The following NDRG4 variants were observed in gnomAD, a reference collection of about 807,000 sequenced individuals.
NDRG4 encodes protein NDRG4.
In NDRG4, 38 loss-of-function variants were observed where a neutral mutation model predicts 55.8. That is an observed-to-expected ratio of 0.68 (90% CI 0.53 to 0.89). NDRG4 has a LOEUF of 0.89. Ranked by LOEUF, NDRG4 falls within the 40% of genes least tolerant of loss-of-function variation. NDRG4 has a pLI of 0.00. For missense variants in NDRG4, 455 were observed against 468.6 expected (o/e 0.97, Z 0.27); for synonymous variants, 190 against 182.7 (o/e 1.04, Z -0.32).
At chr16:58,505,713 CTTTTTTT>C (rs1028370131) in intron 5 of NDRG4, among the ~76,000 whole-genome samples, 7 of 58,634 alleles carry the variant, frequency 1.2e-4, no homozygotes, top group African/African-American at 3.8e-4. Flanking sequence ...GCTTCATTTT[CTTTTTTT>C]TTTTTTTTTT....
At chr16:58,486,965 A>G (rs1185088242) in intron 1 of NDRG4, among the ~76,000 whole-genome samples, 1 of 55,386 alleles carries the variant, frequency 1.8e-5, no homozygotes, top group African/African-American at 7.3e-5. Context: ...TCCCTGGCCC[A>G]TCTTCACAGA....
intron 5 of NDRG4, chr16:58,506,049 A>G (rs1218288592): frequency 1.1e-5 from 5 of 437,958 alleles, no homozygotes; most frequent in Non-Finnish European, 2.1e-5. Flanking sequence ...AAAAGCAAAA[A>G]AACAACATGC....
chr16:58,497,308 C>T (rs1045318204), upstream of NDRG4, among the ~76,000 whole-genome samples: 1 of 151,532 alleles, frequency 6.6e-6, no homozygotes, highest in Non-Finnish European at 1.5e-5. Context: ...GGCAACAGAG[C>T]AAGACCATGT....
intron 2 of NDRG4, among the ~76,000 whole-genome samples, chr16:58,492,335 A>T (rs975880645): frequency 6.6e-6 from 1 of 151,714 alleles, no homozygotes; most frequent in Non-Finnish European, 1.5e-5. Flanking sequence ...CCTCGTGCTC[A>T]CCCTGTTCCC....
At chr16:58,514,200 T>G (rs2039050190), downstream of NDRG4, among the ~76,000 whole-genome samples, 3 of 152,224 alleles carry the variant, frequency 2.0e-5, no homozygotes, top group Admixed American at 1.3e-4. Flanking sequence ...ATACTAAATC[T>G]TCACCTATGT....
chr16:58,506,312 G>T (rs773660861), intron 5 of NDRG4, 75 bp from the exon 6 acceptor site: 1 of 1,442,886 alleles, frequency 6.9e-7, no homozygotes, highest in Non-Finnish European at 9.7e-7. Context: ...GCAGCACCTT[G>T]AAGACTTTAC....
rs1481430625 is a variant in NDRG4 at position 58,508,011 on chromosome 16, G to T, written c.729+12G>T. On this transcript the variant is annotated intron_variant, in intron 10 of 14. Transcript: ENST00000570248. ...CTGAGGACGGGGTGGTAAGTGAGGG[G>T]CTGTGGGCTCACTGGGGGTGGGAGG... 8 of 1,547,328 alleles carry T rather than the reference G, an allele frequency of 5.2e-6. No individual in the cohort carries two copies. The highest frequency in any genetic ancestry group is 7.0e-6 in the Non-Finnish European group (8 of 1,142,270).
intron 1 of NDRG4, among the ~76,000 whole-genome samples, chr16:58,468,742 G>A (rs1394682295): frequency 2.6e-5 from 4 of 152,148 alleles, no homozygotes; most frequent in Non-Finnish European, 5.9e-5. Context: ...GGGGAGCCAA[G>A]ATGATACTTG....
chr16:58,472,364 C>CTCTG (rs2032985093), intron 1 of NDRG4: 1 of 152,238 alleles, frequency 6.6e-6, no homozygotes, highest in Non-Finnish European at 1.5e-5. Flanking sequence ...TAGGGTCCAT[C>CTCTG]TCTGAAAGTG....
intron 12 of NDRG4, 28 bp downstream of exon 12, chr16:58,509,217 C>T: frequency 1.2e-6 from 2 of 1,613,982 alleles, no homozygotes; most frequent in South Asian, 1.1e-5. Context: ...CCTGCCCTTA[C>T]ATCTATGGGG....
In NDRG4 at chr16:58,507,865, G is replaced by T; in HGVS notation, c.677+1G>T. 6.2e-7 allele frequency: 1 copy of T among 1,614,040 alleles called. No homozygotes were observed. The highest frequency in any genetic ancestry group is 8.5e-7 in the Non-Finnish European group (1 of 1,179,996). ...CGGTGCCCAATGCCAAGACGCTCCGGTGAGTGGCCCCTGGCCCTCTGGCCT... is the reference window on the plus strand; with the variant it reads ...CGGTGCCCAATGCCAAGACGCTCCGTTGAGTGGCCCCTGGCCCTCTGGCCT... On this transcript the variant is annotated splice_donor_variant, in intron 9 of 14. Coordinates refer to ENST00000570248, the MANE Select transcript of NDRG4 (RefSeq NM_001242835.2). LOFTEE classifies it high-confidence loss of function.
chr16:58,500,058 G>C, upstream of NDRG4: 1 of 1,446,492 alleles, frequency 6.9e-7, no homozygotes, highest in Non-Finnish European at 9.1e-7. Flanking sequence ...TAAGCGAGTG[G>C]CTGCTCAGAA....
intron 5 of NDRG4, among the ~76,000 whole-genome samples, chr16:58,505,107 T>C (rs2037689606): frequency 6.6e-6 from 1 of 152,178 alleles, no homozygotes; most frequent in East Asian, 1.9e-4. Flanking sequence ...CCCAGCACTT[T>C]GGGAGGCCAA....
intron 1 of NDRG4, among the ~76,000 whole-genome samples, chr16:58,485,074 G>A (rs2034935247): frequency 6.6e-6 from 1 of 151,906 alleles, no homozygotes; most frequent in Admixed American, 6.6e-5. Flanking sequence ...AGTAGAGACG[G>A]GGTTTCACCA....
At chr16:58,492,531 TGTGTGTG>T (rs2035912312) in intron 2 of NDRG4, among the ~76,000 whole-genome samples, 1 of 96,302 alleles carries the variant, frequency 1.0e-5, no homozygotes, top group African/African-American at 3.4e-5. Flanking sequence ...TGTGTGTGTG[TGTGTGTG>T]TGTGTGTGTG....
intron 1 of NDRG4, among the ~76,000 whole-genome samples, chr16:58,478,993 G>GTA (rs1404331779): frequency 2.0e-5 from 3 of 151,906 alleles, no homozygotes; most frequent in Non-Finnish European, 4.4e-5. Context: ...GCCAATATAT[G>GTA]TACCTGTTCA....
At chr16:58,476,678 A>G (rs2033679409) in intron 1 of NDRG4, among the ~76,000 whole-genome samples, 1 of 152,198 alleles carries the variant, frequency 6.6e-6, no homozygotes, top group African/African-American at 2.4e-5. Context: ...GTAGTAGAGC[A>G]TCCTTGATGC....
chr16:58,506,625 GA>G lies in NDRG4; in HGVS notation c.516+13del, dbSNP rs1567349218. Reference sequence around the variant, plus strand: ...CACCTCTTCAGCCAGGTAAGGGGGGGAACTTCTGCAGATCTGGGGTGATCTG... The same window carrying G: ...CACCTCTTCAGCCAGGTAAGGGGGGGACTTCTGCAGATCTGGGGTGATCTG... On this transcript the variant is annotated intron_variant, in intron 7 of 14. Transcript: ENST00000570248. The G allele has an allele frequency of 6.5e-7, 1 of 1,550,018 alleles. No homozygotes were observed. Among genetic ancestry groups the G allele is most frequent in the East Asian group, 2.4e-5 (1 of 41,256 alleles).
intron 1 of NDRG4, among the ~76,000 whole-genome samples, chr16:58,478,697 G>GTTTTTTTTTTTTTTTTGTTTT (rs59525801): frequency 7.3e-6 from 1 of 137,754 alleles, no homozygotes; most frequent in Non-Finnish European, 1.5e-5. Flanking sequence ...TTTGTTTTTT[G>GTTTTTTTTTTTTTTTTGTTTT]TTTTTTTTTT....
Sources: allele counts gnomAD v4.1 joint callset (sites outside exome capture counted in the v4.1 genomes callset), GRCh38; gene constraint gnomAD v4.1.1; transcripts MANE v1.5; gene names NCBI Gene and HGNC (gene_info 2026-07-23, HGNC 2026-07-21).